Variants in LOC112694756 observed in about 807,000 individuals in gnomAD.
the LOC112694756 span, chr16:30,070,377 T>C: frequency 1.5e-6 from 1 of 660,774 alleles, no homozygotes; most frequent in African/African-American, 1.8e-5. Flanking sequence ...CATCACCCTT[T>C]CCGGCACACT....
At chr16:30,069,139 G>T in the LOC112694756 span, 1 of 1,351,684 alleles carries the variant, frequency 7.4e-7, no homozygotes, top group Non-Finnish European at 1.0e-6. Context: ...GGGCCAAGGA[G>T]GGATGGTGGG....
At chr16:30,064,561 C>A in the LOC112694756 span, 80 of 398,686 alleles carry the variant, frequency 2.0e-4, no homozygotes, top group South Asian at 3.2e-3. Context: ...TCTTCCTCCC[C>A]CTTCCCCCAT....
At chr16:30,056,031 C>T in the LOC112694756 span, among the ~76,000 whole-genome samples, 1 of 151,866 alleles carries the variant, frequency 6.6e-6, no homozygotes, top group Middle Eastern at 3.4e-3. Flanking sequence ...GAACTCCTGA[C>T]CTCAAATGAT....
the LOC112694756 span, among the ~76,000 whole-genome samples, chr16:30,056,295 G>A: frequency 6.6e-6 from 1 of 151,536 alleles, no homozygotes; most frequent in Non-Finnish European, 1.5e-5. Context: ...TTTTAGTAGA[G>A]ACGGGGTTTC....
the LOC112694756 span, chr16:30,069,071 C>A: frequency 6.4e-7 from 1 of 1,572,662 alleles, no homozygotes; most frequent in Non-Finnish European, 8.7e-7. Flanking sequence ...CCTACCTCCC[C>A]AAAAGCAAGC....
chr16:30,057,162 G>A, the LOC112694756 span, among the ~76,000 whole-genome samples: 5 of 151,200 alleles, frequency 3.3e-5, no homozygotes, highest in Admixed American at 6.6e-5. Flanking sequence ...TGCCTGCCTC[G>A]GCCTCCTAAA....
the LOC112694756 span, chr16:30,069,317 G>T: frequency 6.2e-7 from 1 of 1,614,192 alleles, no homozygotes; most frequent in Non-Finnish European, 8.5e-7. Flanking sequence ...ATGGCATTGT[G>T]CCCATCGTGG....
At chr16:30,070,370 CA>C in the LOC112694756 span, 3 of 689,934 alleles carry the variant, frequency 4.3e-6, no homozygotes, top group Non-Finnish European at 5.1e-6. Flanking sequence ...CTAAGTCCAT[CA>C]CCCTTTCCGG....
chr16:30,068,772 C>T, the LOC112694756 span: 1 of 1,614,202 alleles, frequency 6.2e-7, no homozygotes, highest in Non-Finnish European at 8.5e-7. Context: ...GAGTGGAAAC[C>T]ACATGCCCCT....
chr16:30,055,989 C>T, the LOC112694756 span, among the ~76,000 whole-genome samples: 13 of 151,910 alleles, frequency 8.6e-5, no homozygotes, highest in South Asian at 2.1e-4. Flanking sequence ...TTAGTAAAGA[C>T]GGGGTTTCAT....
chr16:30,057,106 C>T, the LOC112694756 span, among the ~76,000 whole-genome samples: 1 of 151,988 alleles, frequency 6.6e-6, no homozygotes, highest in Non-Finnish European at 1.5e-5. Flanking sequence ...GACAGGGTTT[C>T]TCCATGTTGG....
the LOC112694756 span, chr16:30,070,409 G>T: frequency 1.8e-5 from 11 of 610,058 alleles, no homozygotes; most frequent in African/African-American, 2.0e-4. Context: ...AGCTATTTAA[G>T]GGGGAGTCGG....
the LOC112694756 span, chr16:30,069,566 C>T: frequency 6.2e-7 from 1 of 1,614,110 alleles, no homozygotes; most frequent in East Asian, 2.2e-5. Flanking sequence ...TTGCTGAAGC[C>T]CAACATGGTC....
chr16:30,070,204 G>A, the LOC112694756 span: 15 of 1,613,952 alleles, frequency 9.3e-6, no homozygotes, highest in South Asian at 3.3e-5. Context: ...CTCTAACCAC[G>A]CCTATTAAGC....
the LOC112694756 span, among the ~76,000 whole-genome samples, chr16:30,065,083 C>A: frequency 1.3e-5 from 2 of 152,196 alleles, no homozygotes; most frequent in East Asian, 3.9e-4. Context: ...GGCGGCCCGG[C>A]GGAGAGCGCG....
At chr16:30,056,420 A>G in the LOC112694756 span, among the ~76,000 whole-genome samples, 2 of 152,220 alleles carry the variant, frequency 1.3e-5, no homozygotes, top group Admixed American at 6.5e-5. Context: ...CAAAGTATAC[A>G]TATAGAAATA....
the LOC112694756 span, chr16:30,068,426 T>C: frequency 1.6e-6 from 1 of 627,346 alleles, no homozygotes; most frequent in East Asian, 2.9e-5. Flanking sequence ...AGATGCAGTT[T>C]AAGGGATTAA....
At chr16:30,064,986 A>AC in the LOC112694756 span, 1 of 153,424 alleles carries the variant, frequency 6.5e-6, no homozygotes, top group Non-Finnish European at 1.4e-5. Context: ...AGGAACTGTG[A>AC]CCCCGCATGC....
chr16:30,069,226 C>A, the LOC112694756 span: 1 of 1,516,438 alleles, frequency 6.6e-7, no homozygotes, highest in Non-Finnish European at 9.2e-7. Flanking sequence ...AAGATACGGT[C>A]TTGACCAGTG....
Sources: allele counts gnomAD v4.1 joint callset (sites outside exome capture counted in the v4.1 genomes callset), GRCh38; gene constraint gnomAD v4.1.1; transcripts MANE v1.5.